Variants in TMEM127 observed in about 807,000 individuals in gnomAD.
The protein encoded by TMEM127 is transmembrane protein 127.
A neutral mutation model predicts 20.1 loss-of-function variants in TMEM127; 21 were observed. That is an observed-to-expected ratio of 1.04 (90% CI 0.74 to 1.50). The LOEUF is 1.50. TMEM127 is among the 40% of genes most tolerant of loss of function. TMEM127 has a pLI of 0.00. For synonymous variants in TMEM127, 150 were observed against 144.7 expected (o/e 1.04, Z -0.26); for missense variants, 303 against 317.4 (o/e 0.95, Z 0.34).
At chr2:96,264,994 AG>A in intron 2 of TMEM127, 143 bp downstream of exon 2, 1 of 1,373,296 alleles carries the variant, frequency 7.3e-7, no homozygotes, top group Non-Finnish European at 1.0e-6. Flanking sequence ...GACCCCAAAC[AG>A]AGCCACCTGG....
intron 2 of TMEM127, among the ~76,000 whole-genome samples, chr2:96,255,311 T>C (rs1050284787): frequency 1.3e-5 from 2 of 152,222 alleles, no homozygotes; most frequent in Admixed American, 6.5e-5. Context: ...TAACCTGACA[T>C]GTTAATGCAT....
At chr2:96,260,283 T>G (rs1684289176) in intron 2 of TMEM127, among the ~76,000 whole-genome samples, 1 of 152,236 alleles carries the variant, frequency 6.6e-6, no homozygotes, top group African/African-American at 2.4e-5. Flanking sequence ...AGTATCTCAA[T>G]GTCTTTCTCT....
rs1239484250 is a variant in TMEM127, at chr2:96,253,885, T to A, written c.640A>T (p.Met214Leu). 1.9e-6 allele frequency: 3 copies of A among 1,614,120 alleles called. No homozygotes were observed. The Admixed American group carries it at 5.0e-5, about 27-fold the overall frequency. Residue 214 changes from methionine (M) to leucine (L), a missense_variant, in exon 4 of 4, where the codon ATG becomes TTG. Transcript: ENST00000258439. The surrounding 1 kb of genome is among the most constrained non-coding windows in gnomAD (Gnocchi z 4.3). ...EEQALELLSEMEENEPYPAEY... is the reference protein window; with the variant it reads ...EEQALELLSELEENEPYPAEY... ...GCCGGGTAGGGCTCGTTCTCTTCCA[T>A]CTCTGAGAGCAGCTCCAGCGCCTGC...
At position 96,254,042 on chromosome 2, in the gene TMEM127, A is replaced by ATGCTGC; in HGVS notation, c.477_482dup (p.Gln159_Gln160dup). The ATGCTGC allele has an allele frequency of 6.2e-7, 1 of 1,614,108 alleles. No homozygotes were observed. ...AGACCTGGGATCCATGGTACTTCTTATGCTGCTGCTGCTGGGCCAAGATGA... is the reference window on the plus strand; with the variant it reads ...AGACCTGGGATCCATGGTACTTCTTATGCTGCTGCTGCTGCTGCTGGGCCAAGATGA... On this transcript the variant is annotated inframe_insertion, in exon 4 of 4. Coordinates refer to ENST00000258439, the MANE Select transcript of TMEM127 (RefSeq NM_017849.4).
chr2:96,265,772 G>T (rs554006884), intron 1 of TMEM127, 97 bp downstream of exon 1: 15 of 209,646 alleles, frequency 7.2e-5, no homozygotes, highest in South Asian at 1.8e-4. Flanking sequence ...GACCGGGCTG[G>T]GCCGCGGGGA....
rs1180167269 is a variant in TMEM127, at chr2:96,251,024, T to G, written c.*2784A>C. On this transcript the variant is annotated 3_prime_UTR_variant, in exon 4 of 4. Transcript: ENST00000258439. ...GATGGCTAGAGTTTAGGAGCCACGT[T>G]CTCCTCTATAGCTCACCAGAGGATG... 1 of 223,054 alleles carries G rather than the reference T, an allele frequency of 4.5e-6. No homozygotes were observed. Among genetic ancestry groups the G allele is most frequent in the Admixed American group, 5.7e-5 (1 of 17,392 alleles). The allele number at this position is 223,054 out of a possible 1,614,324, so 13.8% of individuals were successfully genotyped here. A position where few individuals can be genotyped will look rare whatever the true frequency, so the allele number is the denominator to read the frequency against.
chr2:96,248,781 C>T lies in TMEM127; in HGVS notation c.*5027G>A, dbSNP rs546180567. On this transcript the variant is annotated 3_prime_UTR_variant, in exon 4 of 4. Transcript: ENST00000258439. ...GCCTGCAGGCCCTGCACCTTCAGGC[C>T]CCATTCTCAGACACCTGTACAACCC... is the stretch of plus-strand genomic sequence containing the variant. 31 of 231,704 alleles carry T rather than the reference C, an allele frequency of 1.3e-4. No individual in the cohort carries two copies. Among genetic ancestry groups the T allele is most frequent in the Non-Finnish European group, 2.3e-4 (27 of 117,052 alleles). The allele number at this position is 231,704 out of a possible 1,614,324, so 14.4% of individuals were successfully genotyped here.
chr2:96,264,735 A>G (rs1365306566), intron 2 of TMEM127, among the ~76,000 whole-genome samples: 1 of 152,210 alleles, frequency 6.6e-6, no homozygotes, highest in Non-Finnish European at 1.5e-5. Context: ...GAACTCTAAG[A>G]TATCTTTTAA....
chr2:96,254,883 T>C lies in TMEM127; in HGVS notation c.359A>G (p.His120Arg), dbSNP rs745385741. The change falls in exon 3 of 4, where the codon CAT (histidine) becomes CGT (arginine). Residue 120 changes from histidine to arginine, a missense_variant. Coordinates refer to ENST00000258439, the MANE Select transcript of TMEM127 (RefSeq NM_017849.4). ...GCGACGAGTGATCTTCAGAGCAGGA[T>C]GCTTCGGCCCAAAGACATCCAGAAG... ...AFLLDVFGPK[H>R]PALKITRRYA... is the part of the protein sequence containing the mutation. The C allele has an allele frequency of 1.9e-6, 3 of 1,614,104 alleles. No homozygotes were observed. Among genetic ancestry groups the C allele is most frequent in the Non-Finnish European group, 2.5e-6 (3 of 1,179,972 alleles).
intron 2 of TMEM127, among the ~76,000 whole-genome samples, chr2:96,257,011 T>C (rs112610858): frequency 6.6e-6 from 1 of 151,812 alleles, no homozygotes; most frequent in African/African-American, 2.4e-5. Flanking sequence ...AGGGCATAAA[T>C]GAAGGAAAAG....
intron 2 of TMEM127, among the ~76,000 whole-genome samples, chr2:96,255,582 G>GAAAA (rs1684187063): frequency 6.6e-6 from 1 of 152,212 alleles, no homozygotes; most frequent in Non-Finnish European, 1.5e-5. Flanking sequence ...TATAATGGTG[G>GAAAA]TTGCCAGCAG....
At chr2:96,257,354 C>T (rs1264751803) in intron 2 of TMEM127, among the ~76,000 whole-genome samples, 4 of 151,682 alleles carry the variant, frequency 2.6e-5, no homozygotes, top group South Asian at 2.1e-4. Flanking sequence ...CCCAGCTACT[C>T]GGGGGGCTGA....
chr2:96,264,943 T>G (rs1348711106), intron 2 of TMEM127, among the ~76,000 whole-genome samples, 195 bp downstream of exon 2: 1 of 151,654 alleles, frequency 6.6e-6, no homozygotes, highest in Non-Finnish European at 1.5e-5. Flanking sequence ...CTGTGAGGAG[T>G]AGGTGCTTAG....
intron 2 of TMEM127, among the ~76,000 whole-genome samples, chr2:96,260,765 C>T (rs1684298063): frequency 6.6e-6 from 1 of 152,192 alleles, no homozygotes; most frequent in South Asian, 2.1e-4. Flanking sequence ...GCTGGAGTCC[C>T]TCTGAATTAG....
chr2:96,251,901 T>C lies in TMEM127; in HGVS notation c.*1907A>G. 1 of 233,208 alleles carries C rather than the reference T, an allele frequency of 4.3e-6. No individual in the cohort carries two copies. The highest frequency in any genetic ancestry group is 8.5e-6 in the Non-Finnish European group (1 of 117,768). The allele number at this position is 233,208 out of a possible 1,614,324, so 14.4% of individuals were successfully genotyped here. On this transcript the variant is annotated 3_prime_UTR_variant, in exon 4 of 4. Transcript: ENST00000258439. ...CCCTTTGGCATGCAGGTCCAGTGCC[T>C]GGTCTTCTGGTCTGCCTGCTCAGAC...
chr2:96,261,632 G>A (rs1009080694), intron 2 of TMEM127, among the ~76,000 whole-genome samples: 11 of 152,214 alleles, frequency 7.2e-5, no homozygotes, highest in Non-Finnish European at 1.0e-4. Context: ...ATAGGAAAGT[G>A]ATAAGCCTCA....
Position 96,249,036 on chromosome 2 carries a change from A to G in TMEM127, c.*4772T>C. The stretch of plus-strand genomic sequence containing the variant: ...TGGGCACTGCTCTCTCCCCCAGCAA[A>G]AAAGCCAAGAATTTTCCCCAAAGCT... On this transcript the variant is annotated 3_prime_UTR_variant, in exon 4 of 4. Coordinates refer to ENST00000258439, the MANE Select transcript of TMEM127 (RefSeq NM_017849.4). 1 of 234,084 alleles carries G rather than the reference A, an allele frequency of 4.3e-6. No individual in the cohort carries two copies. The highest frequency in any genetic ancestry group is 8.4e-6 in the Non-Finnish European group (1 of 118,868). 14.5% of individuals were successfully genotyped at this position (234,084 alleles called of 1,614,324 possible).
At position 96,253,682 on chromosome 2, in the gene TMEM127, G is replaced by C; in HGVS notation, c.*126C>G. ...CCCTAAAGGCAGAGTCTCTCCTGGGGAAGGTTTGGAGAAGATGGTCAGGAT... is the reference window on the plus strand; with the variant it reads ...CCCTAAAGGCAGAGTCTCTCCTGGGCAAGGTTTGGAGAAGATGGTCAGGAT... On this transcript the variant is annotated 3_prime_UTR_variant, in exon 4 of 4. Transcript: ENST00000258439. The surrounding 1 kb of genome is among the most constrained non-coding windows in gnomAD (Gnocchi z 4.3). 9.5e-7 allele frequency: 1 copy of C among 1,054,098 alleles called. No homozygotes were observed. Among genetic ancestry groups the C allele is most frequent in the Non-Finnish European group, 1.4e-6 (1 of 738,530 alleles). The allele number at this position is 1,054,098 out of a possible 1,614,324, so 65.3% of individuals were successfully genotyped here.
chr2:96,265,459 T>C lies in TMEM127; in HGVS notation c.-78A>G. On this transcript the variant is annotated 5_prime_UTR_variant, in exon 2 of 4. Transcript: ENST00000258439. ...CCGCGGGGCGCGCAGAGCCTGACAG[T>C]CCGGTGGAGGATAGCAACGCTCCGG... The C allele has an allele frequency of 7.7e-7, 1 of 1,291,392 alleles. No homozygotes were observed. The highest frequency in any genetic ancestry group is 9.7e-7 in the Non-Finnish European group (1 of 1,026,048). The allele number at this position is 1,291,392 out of a possible 1,614,324, so 80.0% of individuals were successfully genotyped here.
Sources: allele counts gnomAD v4.1 joint callset (sites outside exome capture counted in the v4.1 genomes callset), GRCh38; gene constraint gnomAD v4.1.1; non-coding constraint Gnocchi (gnomAD v3.1); transcripts MANE v1.5; gene names NCBI Gene and HGNC (gene_info 2026-07-23, HGNC 2026-07-21).